Variants in ADARB1 observed in about 807,000 individuals in gnomAD.
The protein encoded by ADARB1 is adenosine deaminase RNA specific B1, also known as double-stranded RNA-specific editase 1.
ADARB1 carries 10 observed loss-of-function variants against 52.4 expected under a neutral mutation model. That is an observed-to-expected ratio of 0.19 (90% CI 0.12 to 0.32). The LOEUF (loss-of-function observed/expected upper bound fraction) is 0.32, where lower values mean the gene tolerates loss of function less well. Ranked by LOEUF, ADARB1 falls within the 10% of genes least tolerant of loss-of-function variation. The pLI, the probability that ADARB1 is intolerant of heterozygous loss-of-function variation, is 1.00. For synonymous variants in ADARB1, 349 were observed against 371.1 expected (o/e 0.94, Z 0.68); for missense variants, 643 against 922.3 (o/e 0.70, Z 3.92).
rs773739031 is a variant in ADARB1 at position 45,117,226 on chromosome 21, G to A, written c.-219-11176G>A. ...CCTCCTTCTCCAGGGAGACCTAGCCGCTGCTGTTTTGAGTTTCCTGGGAGG... is the reference window on the plus strand; with the variant it reads ...CCTCCTTCTCCAGGGAGACCTAGCCACTGCTGTTTTGAGTTTCCTGGGAGG... On this transcript the variant is annotated intron_variant, in intron 1 of 10. Coordinates refer to ENST00000348831, the MANE Select transcript of ADARB1 (RefSeq NM_001112.4). 4.6e-5 allele frequency among the ~76,000 whole-genome samples: 7 copies of A among 152,278 alleles called. No homozygotes were observed. The South Asian group carries it at 1.5e-3, about 32-fold the overall frequency.
chr21:45,100,053 G>C (rs1274492665), intron 1 of ADARB1, among the ~76,000 whole-genome samples: 2 of 152,200 alleles, frequency 1.3e-5, no homozygotes, highest in Non-Finnish European at 1.5e-5. Context: ...CAAGCTTCTA[G>C]TCTTCCCTTT....
chr21:45,094,413 TGA>T (rs1245494929), intron 1 of ADARB1, among the ~76,000 whole-genome samples: 1 of 152,204 alleles, frequency 6.6e-6, no homozygotes, highest in Non-Finnish European at 1.5e-5. Context: ...GTAAAATTTT[TGA>T]GAGTTTTTGA....
intron 2 of ADARB1, among the ~76,000 whole-genome samples, chr21:45,151,499 C>CT (rs907570575): frequency 3.9e-5 from 6 of 152,148 alleles, no homozygotes; most frequent in East Asian, 1.9e-4. Flanking sequence ...ATTAATTTGT[C>CT]TTTTTTTTCT....
At chr21:45,137,900 G>C (rs1199610703) in intron 2 of ADARB1, among the ~76,000 whole-genome samples, 1 of 152,078 alleles carries the variant, frequency 6.6e-6, no homozygotes, top group African/African-American at 2.4e-5. Context: ...GACTCCAGAA[G>C]CCTGGTGGGC....
intron 2 of ADARB1, among the ~76,000 whole-genome samples, chr21:45,161,484 A>G (rs1240485226): frequency 6.6e-6 from 1 of 152,190 alleles, no homozygotes; most frequent in Non-Finnish European, 1.5e-5. Context: ...CAGTGCTGAC[A>G]TGCCAGCACC....
intron 4 of ADARB1, among the ~76,000 whole-genome samples, chr21:45,179,648 C>T (rs2091847859): frequency 6.6e-6 from 1 of 152,200 alleles, no homozygotes; most frequent in South Asian, 2.1e-4. Flanking sequence ...TAAGCGCTTT[C>T]CCTCCCCGTG....
rs140670152 is a variant in ADARB1, at chr21:45,142,769, G to A, written c.-48+14196G>A. ...GTCCCCCCATGAACTCAGGGGTGTG[G>A]CCTGGCTCCGTCATGTGTTTTGCAG... On this transcript the variant is annotated intron_variant, in intron 2 of 10. Coordinates refer to ENST00000348831, the MANE Select transcript of ADARB1 (RefSeq NM_001112.4). The surrounding 1 kb of genome is among the most constrained non-coding windows in gnomAD (Gnocchi z 4.0). Among the ~76,000 whole-genome samples the A allele has an allele frequency of 1.4e-3, 212 of 152,304 alleles. No individual in the cohort carries two copies. Among genetic ancestry groups the A allele is most frequent in the African/African-American group, 4.5e-3 (189 of 41,564 alleles).
chr21:45,123,989 C>G lies in ADARB1; in HGVS notation c.-219-4413C>G, dbSNP rs141056327. 5.1e-3 allele frequency among the ~76,000 whole-genome samples: 781 copies of G among 152,310 alleles called. 4 individuals are homozygous for G. Among genetic ancestry groups the G allele is most frequent in the Non-Finnish European group, 7.9e-3 (539 of 68,024 alleles). The stretch of plus-strand genomic sequence containing the variant: ...CCCAATCAATGTAGTTCAGTTTTGC[C>G]TGTGATGGAACTTTATCCAAGGGGA... On this transcript the variant is annotated intron_variant, in intron 1 of 10. Transcript: ENST00000348831.
chr21:45,082,108 G>T (rs2086176208), intron 1 of ADARB1, among the ~76,000 whole-genome samples: 1 of 152,184 alleles, frequency 6.6e-6, no homozygotes, highest in African/African-American at 2.4e-5. Context: ...CTCTTTGGAT[G>T]GTGATGATGT....
Position 45,222,248 on chromosome 21 carries a change from T to A in ADARB1, c.*51T>A. On this transcript the variant is annotated 3_prime_UTR_variant, in exon 11 of 11. Coordinates refer to ENST00000348831, the MANE Select transcript of ADARB1 (RefSeq NM_001112.4). Reference sequence around the variant, plus strand: ...AGGGGGCTGTGGGCATCCAGCGTCATCCTCCAGAACCTCACATCTGAACTG... The same window carrying A: ...AGGGGGCTGTGGGCATCCAGCGTCAACCTCCAGAACCTCACATCTGAACTG... 26 of 1,475,120 alleles carry A rather than the reference T, an allele frequency of 1.8e-5. No individual in the cohort carries two copies. The highest frequency in any genetic ancestry group is 2.3e-5 in the Non-Finnish European group (26 of 1,115,044). The allele number at this position is 1,475,120 out of a possible 1,614,324, so 91.4% of individuals were successfully genotyped here. A position where few individuals can be genotyped will look rare whatever the true frequency, so the allele number is the denominator to read the frequency against.
Position 45,180,270 on chromosome 21 carries a change from G to C in ADARB1, c.964-60G>C. ...AGGGAGAGTGCGTGCAGCATTGAGA[G>C]AGTGAGCCCTGCTCCCAGCTGCATC... On this transcript the variant is annotated intron_variant, in intron 4 of 10. Transcript: ENST00000348831. The C allele has an allele frequency of 3.3e-6, 4 of 1,222,188 alleles. No individual in the cohort carries two copies. The South Asian group carries it at 5.0e-5, about 15-fold the overall frequency. 75.7% of individuals were successfully genotyped at this position (1,222,188 alleles called of 1,614,324 possible). A position where few individuals can be genotyped will look rare whatever the true frequency, so the allele number is the denominator to read the frequency against.
At chr21:45,082,233 G>A (rs549295889) in intron 1 of ADARB1, among the ~76,000 whole-genome samples, 3 of 152,264 alleles carry the variant, frequency 2.0e-5, no homozygotes, top group African/African-American at 7.2e-5. Context: ...GTGACTAGCA[G>A]AATATTTGTT....
In ADARB1 at chr21:45,204,665, C is replaced by T. The variant is rs779673374; in HGVS notation, c.1676C>T (p.Ala559Val). 1 of 1,614,190 alleles carries T rather than the reference C, an allele frequency of 6.2e-7. No homozygotes were observed. The highest frequency in any genetic ancestry group is 1.7e-5 in the Admixed American group (1 of 60,028). Residue 559 changes from alanine to valine, a missense_variant, in exon 9 of 11, where the codon GCC becomes GTC. Ala to Val is a moderately conservative substitution (Grantham distance 64). Around this residue, in one of 2 missense-constraint regions of ADARB1, gnomAD observed 263 missense variants for 475.8 expected, o/e 0.55. Coordinates refer to ENST00000348831, the MANE Select transcript of ADARB1 (RefSeq NM_001112.4). The surrounding 1 kb of genome is among the most constrained non-coding windows in gnomAD (Gnocchi z 4.4). ...TACCACGGGGACCACCTTTCCAGGG[C>T]CATGTACCAGCGGATCTCCAACATA... The part of the protein sequence containing the change: ...SLYHGDHLSR[A>V]MYQRISNIED...
At chr21:45,126,304 G>A (rs1057148010) in intron 1 of ADARB1, among the ~76,000 whole-genome samples, 2 of 152,126 alleles carry the variant, frequency 1.3e-5, no homozygotes, top group African/African-American at 2.4e-5. Context: ...TAGGAGCAGC[G>A]TCTTGCATGT....
At chr21:45,115,065 C>T (rs1268620441) in intron 1 of ADARB1, among the ~76,000 whole-genome samples, 1 of 149,372 alleles carries the variant, frequency 6.7e-6, no homozygotes, top group East Asian at 2.0e-4. Context: ...CACAGACAGG[C>T]TTTGTGAGCC....
intron 1 of ADARB1, among the ~76,000 whole-genome samples, chr21:45,081,237 T>G (rs1245510608): frequency 6.6e-6 from 1 of 152,176 alleles, no homozygotes; most frequent in African/African-American, 2.4e-5. Context: ...AGGTCTGTGC[T>G]TCTTTGAACT....
intron 1 of ADARB1, among the ~76,000 whole-genome samples, chr21:45,116,478 G>A (rs1186729086): frequency 1.3e-5 from 2 of 152,230 alleles, no homozygotes; most frequent in Non-Finnish European, 2.9e-5. Context: ...TTGCATAGAA[G>A]CAACTTTTGT....
At chr21:45,084,915 A>G (rs1338570633) in intron 1 of ADARB1, among the ~76,000 whole-genome samples, 1 of 152,194 alleles carries the variant, frequency 6.6e-6, no homozygotes, top group African/African-American at 2.4e-5. Context: ...TCAAGAATGT[A>G]AAGTGGCTTC....
At position 45,222,243 on chromosome 21, in the gene ADARB1, C is replaced by T. The variant is rs142117083; in HGVS notation, c.*46C>T. 1,501 of 1,508,192 alleles carry T rather than the reference C, an allele frequency of 1.0e-3. 24 individuals are homozygous for T. In the South Asian group the frequency reaches 0.019, roughly 19 times the overall value. The allele number at this position is 1,508,192 out of a possible 1,614,324, so 93.4% of individuals were successfully genotyped here. On this transcript the variant is annotated 3_prime_UTR_variant, in exon 11 of 11. Coordinates refer to ENST00000348831, the MANE Select transcript of ADARB1 (RefSeq NM_001112.4). ...GGTGCAGGGGGCTGTGGGCATCCAGCGTCATCCTCCAGAACCTCACATCTG... is the reference window on the plus strand; with the variant it reads ...GGTGCAGGGGGCTGTGGGCATCCAGTGTCATCCTCCAGAACCTCACATCTG...
Sources: gnomAD v4.1 joint callset for allele counts (sites outside exome capture counted in the v4.1 genomes callset) on GRCh38, gnomAD v4.1.1 for gene constraint, gnomAD v4.1.1 regional missense constraint, Gnocchi (gnomAD v3.1) non-coding constraint, MANE v1.5 for transcripts, NCBI Gene and HGNC (gene_info 2026-07-23, HGNC 2026-07-21) for gene names.